The following RNPS1 variants were observed in gnomAD, a reference collection of about 807,000 sequenced individuals.
RNPS1 encodes the protein RNA-binding protein with serine-rich domain 1.
For synonymous variants in RNPS1, 147 were observed against 150.0 expected (o/e 0.98, Z 0.15); for missense variants, 300 against 427.6 (o/e 0.70, Z 2.63).
chr16:2,261,410 T>C (rs1408930916), intron 6 of RNPS1, among the ~76,000 whole-genome samples: 1 of 152,182 alleles, frequency 6.6e-6, no homozygotes, highest in East Asian at 1.9e-4. Flanking sequence ...TCCAGCGCTG[T>C]GTTTGGTGCC....
At chr16:2,266,158 C>T in intron 1 of RNPS1, 8 of 985,392 alleles carry the variant, frequency 8.1e-6, no homozygotes, top group Non-Finnish European at 9.6e-6. Context: ...CCAATGTGGT[C>T]CTGGTTTCCC....
chr16:2,257,834 T>C (rs930775866), intron 6 of RNPS1: 2 of 152,264 alleles, frequency 1.3e-5, no homozygotes, highest in African/African-American at 2.4e-5. Context: ...AAGCTACTTA[T>C]ACAGTTTGTA....
chr16:2,263,171 G>C lies in RNPS1; in HGVS notation c.344C>G (p.Ser115Cys), dbSNP rs772045276. ...RSGSSSTSRS[S>C]SSSSSSGSPS... is the part of the protein sequence containing the mutation. ...AGAGCCAGAAGAGCTGCTAGAGCTG[G>C]AGCTGCGGGAGGTGCTGGAGCTTCC... The change falls in exon 4 of 8, where the codon TCC (serine) becomes TGC (cysteine). Residue 115 changes from serine to cysteine, a missense_variant. Transcript: ENST00000320225. The C allele has an allele frequency of 9.9e-6, 16 of 1,613,934 alleles. No individual in the cohort carries two copies. Among genetic ancestry groups the C allele is most frequent in the Middle Eastern group, 1.7e-4 (1 of 6,028 alleles).
In RNPS1 at chr16:2,259,500, G is replaced by A. The variant is rs185903393; in HGVS notation, c.676+2778C>T. 7.0e-4 allele frequency among the ~76,000 whole-genome samples: 106 copies of A among 152,306 alleles called. 1 individual carries two copies. Among genetic ancestry groups the A allele is most frequent in the Non-Finnish European group, 1.2e-3 (82 of 68,022 alleles). ...TTTTTAGAAGGTGGTTTTATAATCAGCTATAGAGTTCTAACAGTTGCTCTT... is the reference window on the plus strand; with the variant it reads ...TTTTTAGAAGGTGGTTTTATAATCAACTATAGAGTTCTAACAGTTGCTCTT... On this transcript the variant is annotated intron_variant, in intron 6 of 7. Transcript: ENST00000320225.
intron 5 of RNPS1, 50 bp downstream of exon 5, chr16:2,262,690 G>A (rs1217691683): frequency 6.7e-7 from 1 of 1,496,148 alleles, no homozygotes; most frequent in East Asian, 2.3e-5. Context: ...GCAGGCACAG[G>A]CCTGCTTGTC....
At chr16:2,256,953 G>C (rs960465851) in intron 6 of RNPS1, 5 of 152,260 alleles carry the variant, frequency 3.3e-5, no homozygotes, top group African/African-American at 1.2e-4. Flanking sequence ...GGGTGGTGAG[G>C]TGTGAACTTC....
intron 6 of RNPS1, chr16:2,258,814 T>C (rs1228603496): frequency 6.6e-6 from 1 of 151,436 alleles, no homozygotes. Context: ...AGTTTTTCTG[T>C]AAATTAAGCA....
In RNPS1 at chr16:2,268,075, T is replaced by G. The variant is rs1162597480; in HGVS notation, c.-138A>C. ...CTTACATCTTCCCGCCGCCGCCACC[T>G]CCTCCTGCTTTCCTCAGCCGCCGAG... On this transcript the variant is annotated 5_prime_UTR_variant, in exon 1 of 8. Transcript: ENST00000320225. 6.5e-7 allele frequency: 1 copy of G among 1,535,034 alleles called. No homozygotes were observed. Among genetic ancestry groups the G allele is most frequent in the African/African-American group, 1.4e-5 (1 of 72,968 alleles).
chr16:2,264,793 A>G, intron 1 of RNPS1, 33 bp from the exon 2 acceptor site: 1 of 1,447,872 alleles, frequency 6.9e-7, no homozygotes, highest in African/African-American at 1.4e-5. Flanking sequence ...TAAAGAGTGA[A>G]CGAATTGGCA....
At chr16:2,255,998 GC>G in intron 6 of RNPS1, 1 of 409,404 alleles carries the variant, frequency 2.4e-6, no homozygotes, top group Non-Finnish European at 4.5e-6. Flanking sequence ...GGTGGCGGGC[GC>G]CTATAGTACC....
At chr16:2,264,901 G>A (rs2093619006) in intron 1 of RNPS1, 141 bp from the exon 2 acceptor site, 3 of 571,770 alleles carry the variant, frequency 5.2e-6, no homozygotes, top group African/African-American at 3.8e-5. Context: ...GGAACACATA[G>A]GGACAGTCCC....
chr16:2,253,706 C>G lies in RNPS1; in HGVS notation c.*258G>C. 1.7e-6 allele frequency: 1 copy of G among 592,770 alleles called. No homozygotes were observed. The highest frequency in any genetic ancestry group is 3.0e-6 in the Non-Finnish European group (1 of 330,032). 36.7% of individuals were successfully genotyped at this position (592,770 alleles called of 1,614,324 possible). On this transcript the variant is annotated 3_prime_UTR_variant, in exon 8 of 8. Transcript: ENST00000320225. ...TCACTTTTCCCTGGTGGCTCTGCCA[C>G]TGAACTGACTCTTAGAAACCGGAAA...
At chr16:2,258,243 G>C (rs371183717) in intron 6 of RNPS1, 5 of 152,250 alleles carry the variant, frequency 3.3e-5, no homozygotes, top group Admixed American at 1.3e-4. Context: ...CATATAAAAA[G>C]CCAAATGTAT....
At position 2,267,942 on chromosome 16, in the gene RNPS1, A is replaced by T. The variant is rs868823456; in HGVS notation, c.-118+113T>A. 16 of 1,528,608 alleles carry T rather than the reference A, an allele frequency of 1.0e-5. No homozygotes were observed. The African/African-American group carries it at 2.1e-4, about 20-fold the overall frequency. The allele number at this position is 1,528,608 out of a possible 1,614,324, so 94.7% of individuals were successfully genotyped here. A position where few individuals can be genotyped will look rare whatever the true frequency, so the allele number is the denominator to read the frequency against. On this transcript the variant is annotated intron_variant, in intron 1 of 7. Transcript: ENST00000320225. Reference sequence around the variant, plus strand: ...TTCTCGGAGCCCGCACCGCGCTGCCAGGCCACCGCCGCACTGCGGGGCTGA... The same window carrying T: ...TTCTCGGAGCCCGCACCGCGCTGCCTGGCCACCGCCGCACTGCGGGGCTGA...
At chr16:2,263,889 T>G in intron 3 of RNPS1, 2 of 377,056 alleles carry the variant, frequency 5.3e-6, no homozygotes. Context: ...ATTTTACAAA[T>G]TACTCTTTTT....
intron 6 of RNPS1, among the ~76,000 whole-genome samples, chr16:2,260,750 T>C (rs1175681488): frequency 6.6e-6 from 1 of 152,216 alleles, no homozygotes; most frequent in Non-Finnish European, 1.5e-5. Context: ...ATACAAATAA[T>C]TAAGCCAAAT....
rs1232825420 is a variant in RNPS1, at chr16:2,264,345, A to G, written c.72-14T>C. 2 of 1,614,104 alleles carry G rather than the reference A, an allele frequency of 1.2e-6. No homozygotes were observed. Among genetic ancestry groups the G allele is most frequent in the South Asian group, 2.2e-5 (2 of 91,078 alleles). On this transcript the variant is annotated splice_polypyrimidine_tract_variant and intron_variant, in intron 2 of 7. Coordinates refer to ENST00000320225, the MANE Select transcript of RNPS1 (RefSeq NM_080594.4). ...GGTGAAGGAGCCCTGGATGGTGAGG[A>G]AGAGTGTGAGATTGCGTGCTCCTCT...
At chr16:2,255,825 G>T in intron 6 of RNPS1, 99 bp from the exon 7 acceptor site, 1 of 1,328,790 alleles carries the variant, frequency 7.5e-7, no homozygotes, top group Non-Finnish European at 1.1e-6. Context: ...CAATGACAAT[G>T]TAAGATAATC....
chr16:2,264,858 G>A, intron 1 of RNPS1, 98 bp from the exon 2 acceptor site: 1 of 1,002,894 alleles, frequency 1.0e-6, no homozygotes, highest in Non-Finnish European at 1.4e-6. Context: ...GGCAGCAAGG[G>A]AGCACGGTAA....
Sources: gnomAD v4.1 joint callset for allele counts (sites outside exome capture counted in the v4.1 genomes callset) on GRCh38, gnomAD v4.1.1 for gene constraint, MANE v1.5 for transcripts, NCBI Gene and HGNC (gene_info 2026-07-23, HGNC 2026-07-21) for gene names.